Variants in MID2 observed in about 807,000 individuals in gnomAD.
The protein encoded by MID2 is midline 2.
In MID2, 13 loss-of-function variants were observed where a neutral mutation model predicts 46.1. That is an observed-to-expected ratio of 0.28 (90% CI 0.18 to 0.45). The LOEUF (loss-of-function observed/expected upper bound fraction) is 0.45, where lower values mean the gene tolerates loss of function less well. Among genes scored for constraint, MID2 ranks in the 20% least tolerant of loss-of-function variants. MID2 has a pLI of 1.00. For missense variants in MID2, 431 were observed against 575.4 expected, an observed-to-expected ratio of 0.75 and a Z score of 2.57; for synonymous variants, 199 against 212.3, an observed-to-expected ratio of 0.94 and a Z score of 0.55.
chrX:107,893,163 A>G (rs5962910), intron 3 of MID2, among the ~76,000 whole-genome samples: 33,794 of 111,677 alleles, frequency 0.3, 6,967 homozygotes, highest in African/African-American at 0.76. Flanking sequence ...TTTCTGAAAA[A>G]CAGTGCTATT....
chrX:107,905,914 G>A (rs924726296), intron 5 of MID2, among the ~76,000 whole-genome samples: 1 of 111,850 alleles, frequency 8.9e-6, no homozygotes, highest in Non-Finnish European at 1.9e-5. Context: ...TGGTATAAGG[G>A]TAGAGAAACT....
chrX:107,896,417 A>T (rs1472479684), intron 3 of MID2: 1 of 112,544 alleles, frequency 8.9e-6, no homozygotes, highest in East Asian at 2.8e-4. Flanking sequence ...TGGGGGAGAC[A>T]GTAACTAAGC....
At position 107,841,369 on chromosome X, in the gene MID2, G is replaced by A. The variant is rs771723957; in HGVS notation, c.704G>A (p.Arg235Gln). ...CATCAGGTCGCATCCCTGAATGATCGATTTGAGAAACTCAAGGTAAGGGAT... is the reference window on the plus strand; with the variant it reads ...CATCAGGTCGCATCCCTGAATGATCAATTTGAGAAACTCAAGGTAAGGGAT... ...RDHQVASLND[R>Q]FEKLKQTLEM... The change falls in exon 2 of 10, where the codon CGA becomes CAA. Residue 235 changes from arginine to glutamine, a missense_variant. Arg to Gln is a conservative substitution (Grantham distance 43, BLOSUM62 1). Transcript: ENST00000262843. The A allele has an allele frequency of 1.9e-5, 23 of 1,192,413 alleles. No homozygotes were observed. The highest frequency in any genetic ancestry group is 1.6e-4 in the Admixed American group (7 of 44,554).
At chrX:107,905,442 TTTATC>T (rs1222530299) in intron 4 of MID2, 31 bp from the exon 5 acceptor site, 1 of 1,131,855 alleles carries the variant, frequency 8.8e-7, no homozygotes, top group African/African-American at 1.8e-5. Flanking sequence ...CACTGCATGT[TTTATC>T]TTATTTTTTT....
At chrX:107,846,857 C>T (rs1464216001) in intron 2 of MID2, among the ~76,000 whole-genome samples, 6 of 111,992 alleles carry the variant, frequency 5.4e-5, no homozygotes, top group African/African-American at 1.6e-4. Flanking sequence ...AGCTAACAAT[C>T]GTTTGTTTGA....
At chrX:107,860,266 G>A (rs1931827798) in intron 3 of MID2, among the ~76,000 whole-genome samples, 1 of 111,812 alleles carries the variant, frequency 8.9e-6, no homozygotes. Flanking sequence ...GAAATACTAT[G>A]ATGATCCACA....
chrX:107,907,353 T>A (rs1411681792), intron 5 of MID2, among the ~76,000 whole-genome samples: 3 of 112,271 alleles, frequency 2.7e-5, no homozygotes, highest in Non-Finnish European at 5.6e-5. Flanking sequence ...CTCTGCCACT[T>A]TTCTGCTTAT....
intron 3 of MID2, among the ~76,000 whole-genome samples, chrX:107,884,630 A>C (rs763743469): frequency 8.9e-6 from 1 of 112,309 alleles, no homozygotes; most frequent in Non-Finnish European, 1.9e-5. Context: ...AAAAAGGGAA[A>C]GGTGGTTTTC....
rs1279229385 is a variant in MID2, at chrX:107,917,714, C to T, written c.1410C>T (p.Cys470=). The part of the protein sequence containing the change: ...EIRKCKEAVS[C]SRLAGAPRGL... Reference sequence around the variant, plus strand: ...GGAAATGTAAGGAAGCAGTAAGCTGCTCAAGATTGGCCGGGGCGCCACGAG... The same window carrying T: ...GGAAATGTAAGGAAGCAGTAAGCTGTTCAAGATTGGCCGGGGCGCCACGAG... Residue 470 remains cysteine (C), a synonymous_variant, in exon 7 of 10, where the codon TGC becomes TGT. Transcript: ENST00000262843. The T allele has an allele frequency of 3.3e-6, 4 of 1,211,980 alleles. No individual in the cohort carries two copies. The Middle Eastern group carries it at 6.9e-4, about 209-fold the overall frequency.
rs200198837 is a variant in MID2 at position 107,907,198 on chromosome X, T to G, written c.1073+1572T>G. On this transcript the variant is annotated intron_variant, in intron 5 of 9. Transcript: ENST00000262843. The stretch of plus-strand genomic sequence containing the variant: ...ACATAACCAAAGAGGTTGGTACTAC[T>G]GCATCACAAATGTATAGCTTCTAAA... Among the ~76,000 whole-genome samples, 5 of 112,443 alleles carry G rather than the reference T, an allele frequency of 4.4e-5. No individual in the cohort carries two copies. In the East Asian group the frequency reaches 1.4e-3, roughly 31 times the overall value.
At chrX:107,903,248 T>C (rs1200603860) in intron 3 of MID2, among the ~76,000 whole-genome samples, 1 of 110,666 alleles carries the variant, frequency 9.0e-6, no homozygotes. Flanking sequence ...CTGGGGGCTC[T>C]GTACCATCTA....
At position 107,928,308 on chromosome X, in the gene MID2, T is replaced by C. The variant is rs1206704956; in HGVS notation, c.*1235T>C. On this transcript the variant is annotated 3_prime_UTR_variant, in exon 10 of 10. Coordinates refer to ENST00000262843, the MANE Select transcript of MID2 (RefSeq NM_012216.4). The stretch of plus-strand genomic sequence containing the variant: ...CCTTTTGCAATCTTGTTTACAGTAT[T>C]CATTCTCTTAGCCAATCCCTCCACG... 5.4e-5 allele frequency among the ~76,000 whole-genome samples: 6 copies of C among 111,909 alleles called. No individual in the cohort carries two copies. The highest frequency in any genetic ancestry group is 1.9e-4 in the African/African-American group (6 of 30,820).
At position 107,870,963 on chromosome X, in the gene MID2, T is replaced by C. The variant is rs1014774927; in HGVS notation, c.816+16259T>C. On this transcript the variant is annotated intron_variant, in intron 3 of 9. Coordinates refer to ENST00000262843, the MANE Select transcript of MID2 (RefSeq NM_012216.4). ...GTAAGTTAGTTTCATTTTGATTTTA[T>C]TAGTTTGAGCTTTTTAAAAGTGAAT... Among the ~76,000 whole-genome samples, 11 of 111,039 alleles carry C rather than the reference T, an allele frequency of 9.9e-5. No homozygotes were observed. In the Admixed American group the frequency reaches 1.1e-3, roughly 11 times the overall value.
chrX:107,892,223 T>G (rs767231425), intron 3 of MID2, among the ~76,000 whole-genome samples: 2 of 111,989 alleles, frequency 1.8e-5, no homozygotes, highest in Non-Finnish European at 3.8e-5. Flanking sequence ...CTGGCTTGCT[T>G]TGTTCTCCTC....
intron 2 of MID2, among the ~76,000 whole-genome samples, chrX:107,843,776 C>T (rs1428576437): frequency 9.0e-6 from 1 of 110,624 alleles, no homozygotes; most frequent in Non-Finnish European, 1.9e-5. Flanking sequence ...CATATACTCA[C>T]TTCTTTGGGT....
intron 1 of MID2, among the ~76,000 whole-genome samples, chrX:107,839,787 A>G (rs1931293248): frequency 8.9e-6 from 1 of 112,555 alleles, no homozygotes; most frequent in African/African-American, 3.2e-5. Flanking sequence ...TGTTTTAGAA[A>G]GTATGAAAAG....
chrX:107,902,389 A>G (rs914721580), intron 3 of MID2, among the ~76,000 whole-genome samples: 5 of 111,634 alleles, frequency 4.5e-5, no homozygotes, highest in Non-Finnish European at 5.6e-5. Flanking sequence ...ACCCAGAGAA[A>G]ACTAAATGAA....
chrX:107,869,565 G>A (rs1366765547), intron 3 of MID2, among the ~76,000 whole-genome samples: 6 of 111,284 alleles, frequency 5.4e-5, no homozygotes, highest in Non-Finnish European at 1.1e-4. Flanking sequence ...ACATTCCTAT[G>A]ATATGTCTTC....
In MID2 at chrX:107,910,693, G is replaced by A. The variant is rs770650026; in HGVS notation, c.1073+5067G>A. On this transcript the variant is annotated intron_variant, in intron 5 of 9. Transcript: ENST00000262843. The stretch of plus-strand genomic sequence containing the variant: ...TCCTCCTTTTAATAATAGCCATTAC[G>A]ATCTAGAAGTTTTAAAGATCTTATC... 4.0e-5 allele frequency among the ~76,000 whole-genome samples: 4 copies of A among 99,073 alleles called. No individual in the cohort carries two copies. The South Asian group carries it at 1.7e-3, about 41-fold the overall frequency. The allele number at this position is 99,073 out of a possible 115,157, so 86.0% of individuals were successfully genotyped here. A position where few individuals can be genotyped will look rare whatever the true frequency, so the allele number is the denominator to read the frequency against.
Sources: gnomAD v4.1 joint callset for allele counts (sites outside exome capture counted in the v4.1 genomes callset) on GRCh38, gnomAD v4.1.1 for gene constraint, MANE v1.5 for transcripts, NCBI Gene and HGNC (gene_info 2026-07-23, HGNC 2026-07-21) for gene names.